Variants in AUTS2 observed in about 807,000 individuals in gnomAD.
AUTS2 encodes autism susceptibility gene 2 protein.
A neutral mutation model predicts 112.4 loss-of-function variants in AUTS2; 17 were observed. The observed-to-expected ratio is 0.15, with a 90% CI of 0.10 to 0.23. The LOEUF is 0.23. Among genes scored for constraint, AUTS2 ranks in the 10% least tolerant of loss-of-function variants. The pLI is 1.00. For missense variants in AUTS2, 1,510 were observed against 1,701.6 expected (o/e 0.89, Z 1.98); for synonymous variants, 751 against 702.7 (o/e 1.07, Z -1.09).
At position 70,654,216 on chromosome 7, in the gene AUTS2, A is replaced by G. The variant is rs189996453; in HGVS notation, c.691-44353A>G. ...AAATGAACATTATCTGTCAATTTAG[A>G]GAAAAGAATAACCATTACTCTAAAC... On this transcript the variant is annotated intron_variant, in intron 5 of 18. Coordinates refer to ENST00000342771, the MANE Select transcript of AUTS2 (RefSeq NM_015570.4). Among the ~76,000 whole-genome samples, 422 of 152,320 alleles carry G rather than the reference A, an allele frequency of 2.8e-3. 1 individual carries two copies. The highest frequency in any genetic ancestry group is 4.6e-3 in the Non-Finnish European group (316 of 68,034).
chr7:69,826,703 G>T (rs544362334), intron 1 of AUTS2, among the ~76,000 whole-genome samples: 3 of 152,280 alleles, frequency 2.0e-5, no homozygotes, highest in Non-Finnish European at 4.4e-5. Flanking sequence ...TTAGTCTATT[G>T]TAAGTGTGAA....
chr7:70,330,345 G>C (rs1790685533), intron 4 of AUTS2, among the ~76,000 whole-genome samples: 1 of 152,074 alleles, frequency 6.6e-6, no homozygotes. Context: ...TTTGTATGTG[G>C]ATATCCAGTT....
intron 2 of AUTS2, among the ~76,000 whole-genome samples, chr7:70,079,071 C>T (rs1401183966): frequency 6.6e-6 from 1 of 152,148 alleles, no homozygotes; most frequent in African/African-American, 2.4e-5. Flanking sequence ...GCCAGCCCTG[C>T]TGCAGATTGA....
In AUTS2 at chr7:69,923,975, G is replaced by A. The variant is rs1473126610; in HGVS notation, c.522+24477G>A. Among the ~76,000 whole-genome samples the A allele has an allele frequency of 1.3e-5, 2 of 152,036 alleles. 1 individual carries two copies. The highest frequency in any genetic ancestry group is 2.9e-5 in the Non-Finnish European group (2 of 68,004). ...TGATTTCTCTGTCAGGAACTTACAGGATCATGTTTAATAGAAGAGACAAGA... is the reference window on the plus strand; with the variant it reads ...TGATTTCTCTGTCAGGAACTTACAGAATCATGTTTAATAGAAGAGACAAGA... On this transcript the variant is annotated intron_variant, in intron 2 of 18. Coordinates refer to ENST00000342771, the MANE Select transcript of AUTS2 (RefSeq NM_015570.4).
rs76313493 is a variant in AUTS2 at position 70,605,317 on chromosome 7, C to T, written c.691-93252C>T. On this transcript the variant is annotated intron_variant, in intron 5 of 18. Transcript: ENST00000342771. ...GCTAACCACCTACTGCTAAATGAGACGAATTGAAATAATGGTCTGAAAACT... is the reference window on the plus strand; with the variant it reads ...GCTAACCACCTACTGCTAAATGAGATGAATTGAAATAATGGTCTGAAAACT... Among the ~76,000 whole-genome samples, 223 of 152,206 alleles carry T rather than the reference C, an allele frequency of 1.5e-3. 3 individuals carry two copies. The East Asian group carries it at 0.036, about 24-fold the overall frequency.
intron 1 of AUTS2, among the ~76,000 whole-genome samples, chr7:69,691,777 C>A (rs1012378857): frequency 3.3e-5 from 5 of 152,142 alleles, no homozygotes; most frequent in African/African-American, 4.8e-5. Context: ...GGCTGTGCCT[C>A]CCCTGCTGCA....
chr7:69,773,630 G>A (rs987865309), intron 1 of AUTS2, among the ~76,000 whole-genome samples: 2 of 152,172 alleles, frequency 1.3e-5, no homozygotes, highest in Admixed American at 6.5e-5. Flanking sequence ...CAGCTGGGCT[G>A]TGCAGAGTTG....
chr7:70,098,759 A>G (rs529617589), intron 2 of AUTS2, among the ~76,000 whole-genome samples: 4 of 150,306 alleles, frequency 2.7e-5, no homozygotes, highest in African/African-American at 7.3e-5. Context: ...CTGGAGTGCA[A>G]TGTCACAATC....
intron 5 of AUTS2, among the ~76,000 whole-genome samples, chr7:70,623,710 A>G (rs7459368): frequency 0.47 from 71,997 of 152,002 alleles, 17,679 homozygotes; most frequent in Middle Eastern, 0.54. Context: ...AAAATACACC[A>G]GAGACCAGAG....
chr7:70,610,423 CTTTTTTTTTTTTTTTTTT>C (rs3054735), intron 5 of AUTS2, among the ~76,000 whole-genome samples: 4 of 77,394 alleles, frequency 5.2e-5, no homozygotes, highest in Admixed American at 2.9e-4. Flanking sequence ...TAGCGCTCAT[CTTTTTTTTTTTTTTTTTT>C]TTTTTTTTTT....
intron 2 of AUTS2, among the ~76,000 whole-genome samples, chr7:69,979,028 A>C (rs1406182524): frequency 6.6e-6 from 1 of 152,154 alleles, no homozygotes; most frequent in Non-Finnish European, 1.5e-5. Context: ...TTAATTTGAA[A>C]TTTATTTAAA....
intron 2 of AUTS2, among the ~76,000 whole-genome samples, chr7:69,968,081 G>A (rs996881178): frequency 6.6e-6 from 1 of 152,196 alleles, no homozygotes; most frequent in Non-Finnish European, 1.5e-5. Context: ...ACAATAACAG[G>A]AAAGGCAGGA....
intron 1 of AUTS2, among the ~76,000 whole-genome samples, chr7:69,638,185 A>C (rs1485175931): frequency 6.6e-6 from 1 of 152,024 alleles, no homozygotes; most frequent in Admixed American, 6.6e-5. Context: ...TGCCTGGCTA[A>C]TTTTATTTTT....
At chr7:70,771,142 C>CT (rs879667838) in intron 10 of AUTS2, 34 of 153,198 alleles carry the variant, frequency 2.2e-4, no homozygotes, top group Non-Finnish European at 3.2e-4. Flanking sequence ...TTTCTTCCCC[C>CT]TTTTTTTTTC....
At chr7:70,754,930 A>G (rs1042510373) in intron 6 of AUTS2, among the ~76,000 whole-genome samples, 2 of 152,102 alleles carry the variant, frequency 1.3e-5, no homozygotes, top group African/African-American at 4.8e-5. Flanking sequence ...CTGTTAGGAG[A>G]CTTCGTAACA....
At chr7:70,075,185 A>G (rs1802968108) in intron 2 of AUTS2, among the ~76,000 whole-genome samples, 1 of 152,246 alleles carries the variant, frequency 6.6e-6, no homozygotes, top group African/African-American at 2.4e-5. Context: ...TTGCATTTCC[A>G]TTGGCAACAA....
chr7:69,897,867 C>T (rs772493367), intron 1 of AUTS2, among the ~76,000 whole-genome samples: 1 of 151,986 alleles, frequency 6.6e-6, no homozygotes, highest in Non-Finnish European at 1.5e-5. Context: ...GAGTACCATG[C>T]ATGTAAAGTT....
At chr7:70,220,130 A>G (rs1811396104) in intron 4 of AUTS2, among the ~76,000 whole-genome samples, 1 of 152,240 alleles carries the variant, frequency 6.6e-6, no homozygotes, top group Non-Finnish European at 1.5e-5. Flanking sequence ...GAGCAGCCGC[A>G]GTCATAGATA....
intron 6 of AUTS2, among the ~76,000 whole-genome samples, chr7:70,720,376 C>G (rs1459124536): frequency 1.3e-5 from 2 of 152,120 alleles, no homozygotes; most frequent in East Asian, 1.9e-4. Context: ...GTCTCCAAAT[C>G]GCAGGCGTCA....
Sources: gnomAD v4.1 joint callset for allele counts (sites outside exome capture counted in the v4.1 genomes callset) on GRCh38, gnomAD v4.1.1 for gene constraint, MANE v1.5 for transcripts, NCBI Gene and HGNC (gene_info 2026-07-23, HGNC 2026-07-21) for gene names.